The following SNRPA1 variants were observed in gnomAD, a reference collection of about 807,000 sequenced individuals.
The protein encoded by SNRPA1 is U2 small nuclear ribonucleoprotein A'.
SNRPA1 carries 5 observed loss-of-function variants against 32.3 expected under a neutral mutation model. The observed-to-expected ratio is 0.15, with a 90% CI of 0.08 to 0.33. The LOEUF is 0.33. Ranked by LOEUF, SNRPA1 falls within the 10% of genes least tolerant of loss-of-function variation. SNRPA1 has a pLI of 1.00. For synonymous variants in SNRPA1, 111 were observed against 120.1 expected (o/e 0.92, Z 0.50); for missense variants, 198 against 311.1 (o/e 0.64, Z 2.74).
chr15:101,285,690 G>A, intron 7 of SNRPA1, 36 bp downstream of exon 7: 2 of 1,405,524 alleles, frequency 1.4e-6, no homozygotes, highest in Middle Eastern at 3.5e-4. Context: ...ACCCATCTTA[G>A]CTCATTCCAG....
intron 8 of SNRPA1, among the ~76,000 whole-genome samples, chr15:101,283,393 T>C: frequency 7.3e-6 from 1 of 137,796 alleles, no homozygotes; most frequent in East Asian, 2.2e-4. Context: ...CTGTCTCTAC[T>C]AAAAAAAAAA....
At position 101,293,116 on chromosome 15, in the gene SNRPA1, T is replaced by C. The variant is rs143051052; in HGVS notation, c.139A>G (p.Ile47Val). The change falls in exon 2 of 9, where the codon ATT (isoleucine) becomes GTT (valine). Residue 47 changes from isoleucine to valine, a missense_variant. By Grantham distance (29) the Ile-to-Val change is conservative. Coordinates refer to ENST00000254193, the MANE Select transcript of SNRPA1 (RefSeq NM_003090.4). Reference protein sequence around the residue: ...LGATLDQFDAIDFSDNEIRKL... With the variant: ...LGATLDQFDAVDFSDNEIRKL... The stretch of plus-strand genomic sequence containing the variant: ...CTGATCTCATTGTCAGAAAAATCAA[T>C]AGCATCAAACTGGTCTAACGTAGCA... The C allele has an allele frequency of 8.1e-6, 13 of 1,611,372 alleles. No individual in the cohort carries two copies. Among genetic ancestry groups the C allele is most frequent in the East Asian group, 4.5e-5 (2 of 44,860 alleles).
intron 6 of SNRPA1, 115 bp from the exon 7 acceptor site, chr15:101,285,916 C>A: frequency 1.4e-6 from 1 of 737,444 alleles, no homozygotes; most frequent in South Asian, 1.7e-5. Context: ...TCTTTGTTAA[C>A]AAACTGATAC....
In SNRPA1 at chr15:101,289,117, G is replaced by C. The variant is rs1477694221; in HGVS notation, c.310-1415C>G. Among the ~76,000 whole-genome samples, 4 of 152,284 alleles carry C rather than the reference G, an allele frequency of 2.6e-5. No individual in the cohort carries two copies. The East Asian group carries it at 7.7e-4, about 29-fold the overall frequency. On this transcript the variant is annotated intron_variant, in intron 3 of 8. Transcript: ENST00000254193. Reference sequence around the variant, plus strand: ...ACCACCAGAGGGAGCTCTAGAGCTTGATACTGTTTTACCCCCACTGAAGAT... The same window carrying C: ...ACCACCAGAGGGAGCTCTAGAGCTTCATACTGTTTTACCCCCACTGAAGAT...
chr15:101,294,287 C>G (rs2039561931), intron 1 of SNRPA1, among the ~76,000 whole-genome samples: 1 of 152,240 alleles, frequency 6.6e-6, no homozygotes, highest in Non-Finnish European at 1.5e-5. Context: ...GGCAAGAAAT[C>G]TAAGCAGATC....
chr15:101,286,166 C>A, intron 6 of SNRPA1, 48 bp downstream of exon 6: 1 of 1,471,064 alleles, frequency 6.8e-7, no homozygotes, highest in South Asian at 1.1e-5. Context: ...CAGATCAGAT[C>A]ATGTTTCTGA....
chr15:101,281,707 T>C lies in SNRPA1; in HGVS notation c.*17A>G, dbSNP rs74041961. On this transcript the variant is annotated 3_prime_UTR_variant, in exon 9 of 9. Transcript: ENST00000254193. ...CTTGTTCCAAGAGGGCCTATTATTATACATCTGCCTCACTGCTCAGGACCC... is the reference window on the plus strand; with the variant it reads ...CTTGTTCCAAGAGGGCCTATTATTACACATCTGCCTCACTGCTCAGGACCC... 2,626 of 1,590,596 alleles carry C rather than the reference T, an allele frequency of 1.7e-3. 38 individuals are homozygous for C. The African/African-American group carries it at 0.031, about 19-fold the overall frequency.
chr15:101,286,078 G>T (rs781221631), intron 6 of SNRPA1, 136 bp downstream of exon 6: 37 of 731,598 alleles, frequency 5.1e-5, no homozygotes, highest in Non-Finnish European at 7.9e-5. Flanking sequence ...GATGTACATG[G>T]ACTATAAGCA....
intron 3 of SNRPA1, 108 bp from the exon 4 acceptor site, chr15:101,287,810 T>C: frequency 1.1e-6 from 1 of 947,374 alleles, no homozygotes; most frequent in Non-Finnish European, 1.7e-6. Context: ...TTTACTGAAT[T>C]TTTACTCTCT....
chr15:101,289,616 G>A (rs772062447), intron 3 of SNRPA1, among the ~76,000 whole-genome samples: 29 of 152,026 alleles, frequency 1.9e-4, no homozygotes, highest in Non-Finnish European at 3.5e-4. Context: ...ACTTAAAAGA[G>A]CTTTCAGACT....
At chr15:101,283,259 C>T (rs1462136660) in intron 8 of SNRPA1, among the ~76,000 whole-genome samples, 2 of 152,178 alleles carry the variant, frequency 1.3e-5, no homozygotes, top group African/African-American at 4.8e-5. Context: ...TAGATGAAAA[C>T]AGTCTTCGGC....
intron 8 of SNRPA1, among the ~76,000 whole-genome samples, chr15:101,283,687 T>C (rs1327724357): frequency 6.6e-6 from 1 of 152,264 alleles, no homozygotes; most frequent in East Asian, 1.9e-4. Context: ...GGCTCACGCC[T>C]GTAATCCCAG....
At chr15:101,292,127 G>C in intron 2 of SNRPA1, 87 bp from the exon 3 acceptor site, 1 of 883,516 alleles carries the variant, frequency 1.1e-6, no homozygotes, top group Non-Finnish European at 1.9e-6. Flanking sequence ...ATCACAGAGA[G>C]ACACTTAGAG....
intron 2 of SNRPA1, among the ~76,000 whole-genome samples, chr15:101,292,684 G>A (rs548378463): frequency 6.6e-6 from 1 of 151,262 alleles, no homozygotes; most frequent in South Asian, 2.1e-4. Context: ...TGTTTTAGAA[G>A]CCAAAATGTA....
At chr15:101,284,005 T>G (rs949628463) in intron 8 of SNRPA1, among the ~76,000 whole-genome samples, 1 of 152,240 alleles carries the variant, frequency 6.6e-6, no homozygotes, top group East Asian at 1.9e-4. Flanking sequence ...CCTAGGAAAC[T>G]TCCCCAAGAC....
chr15:101,286,656 A>G (rs2039458164), intron 5 of SNRPA1: 1 of 487,866 alleles, frequency 2.0e-6, no homozygotes, highest in Admixed American at 3.7e-5. Flanking sequence ...TCCACTGTTA[A>G]GACTGCTCAC....
Position 101,289,925 on chromosome 15 carries a change from C to CAAAAAAAAAAAAAAAAAAAAAA in SNRPA1, c.309+2036_309+2037insTTTTTTTTTTTTTTTTTTTTTT, listed in dbSNP as rs768320016. ...CCACTGCACTCCAGCCACTCCATCTCAAAAAAAAAAAAAAAAAATTCAACC... is the reference window on the plus strand; with the variant it reads ...CCACTGCACTCCAGCCACTCCATCTCAAAAAAAAAAAAAAAAAAAAAAAAAAAAAAAAAAAAAAAATTCAACC... On this transcript the variant is annotated intron_variant, in intron 3 of 8. Coordinates refer to ENST00000254193, the MANE Select transcript of SNRPA1 (RefSeq NM_003090.4). The CAAAAAAAAAAAAAAAAAAAAAA allele has an allele frequency of 8.7e-4, 61 of 69,994 alleles. 3 individuals are homozygous for CAAAAAAAAAAAAAAAAAAAAAA. The highest frequency in any genetic ancestry group is 1.5e-3 in the South Asian group (3 of 1,976). 4.3% of individuals were successfully genotyped at this position (69,994 alleles called of 1,614,324 possible).
In SNRPA1 at chr15:101,286,969, A is replaced by C. The variant is rs1464999709; in HGVS notation, c.398T>G (p.Leu133Trp). The C allele has an allele frequency of 2.5e-6, 4 of 1,607,814 alleles. No individual in the cohort carries two copies. The highest frequency in any genetic ancestry group is 2.7e-5 in the African/African-American group (2 of 74,794). ...NPVTNKKHYR[L>W]YVIYKVPQVR... ...TTGCGGAACTTTATAAATCACATAC[A>C]ATCTGTAATGCTTCTTATTGGTTAC... is the stretch of plus-strand genomic sequence containing the variant. The change falls in exon 5 of 9, where the codon TTG (leucine) becomes TGG (tryptophan). Residue 133 changes from leucine (L) to tryptophan (W), a missense_variant. Physicochemically the swap from Leu to Trp is moderately conservative, Grantham distance 61. Transcript: ENST00000254193.
At chr15:101,281,942 G>A (rs113528728) in intron 8 of SNRPA1, among the ~76,000 whole-genome samples, 160 bp from the exon 9 acceptor site, 4 of 152,212 alleles carry the variant, frequency 2.6e-5, no homozygotes, top group African/African-American at 4.8e-5. Context: ...GTCCAGGGAC[G>A]GTCTAGTCTG....
Sources: gnomAD v4.1 joint callset for allele counts (sites outside exome capture counted in the v4.1 genomes callset) on GRCh38, gnomAD v4.1.1 for gene constraint, MANE v1.5 for transcripts, NCBI Gene and HGNC (gene_info 2026-07-23, HGNC 2026-07-21) for gene names.